Variants in TANC1 observed in about 807,000 individuals in gnomAD.
TANC1 encodes the protein protein TANC1.
TANC1 carries 77 observed loss-of-function variants against 149.7 expected under a neutral mutation model. The observed-to-expected ratio is 0.51, with a 90% CI of 0.43 to 0.62. The LOEUF (loss-of-function observed/expected upper bound fraction) is 0.62, where lower values mean the gene tolerates loss of function less well. Among genes scored for constraint, TANC1 ranks in the 20% least tolerant of loss-of-function variants. The pLI is 0.00. For synonymous variants in TANC1, 854 were observed against 925.0 expected, an observed-to-expected ratio of 0.92 and a Z score of 1.39; for missense variants, 1,985 against 2,321.8, an observed-to-expected ratio of 0.85 and a Z score of 2.98.
chr2:159,224,488 C>T (rs1241732355), intron 23 of TANC1, 124 bp downstream of exon 23: 4 of 1,086,826 alleles, frequency 3.7e-6, no homozygotes, highest in Admixed American at 2.2e-5. Flanking sequence ...TTGCAGATCT[C>T]TGTCTCAGTC....
rs958759735 is a variant in TANC1 at position 159,230,224 on chromosome 2, C to T, written c.4798C>T (p.Arg1600Trp). The change falls in exon 27 of 27, where the codon CGG becomes TGG. Residue 1600 changes from arginine to tryptophan, a missense_variant. Physicochemically the swap from Arg to Trp is moderately radical, Grantham distance 101. Around this residue, in one of 3 missense-constraint regions of TANC1, gnomAD observed 920 missense variants for 994.7 expected, o/e 0.92. Transcript: ENST00000263635. This position sits in a 1 kb window ranked among gnomAD's most constrained non-coding sequence, Gnocchi z 4.4. ...TRAGCGHFGD[R>W]LGPSQNVRLQ... ...AGCTGGTTGTGGCCACTTTGGGGAT[C>T]GGCTGGGCCCCAGCCAGAATGTCCG... The T allele has an allele frequency of 8.7e-6, 14 of 1,613,916 alleles. No individual in the cohort carries two copies. The highest frequency in any genetic ancestry group is 1.1e-5 in the Non-Finnish European group (13 of 1,180,030).
At chr2:158,987,145 C>T (rs375718632) in intron 1 of TANC1, among the ~76,000 whole-genome samples, 20 of 143,390 alleles carry the variant, frequency 1.4e-4, no homozygotes, top group Non-Finnish European at 2.5e-4. Flanking sequence ...ACCCAAGAGT[C>T]GGAGGCTGCA....
In TANC1 at chr2:159,145,550, C is replaced by T. The variant is rs115446207; in HGVS notation, c.365-3592C>T. On this transcript the variant is annotated intron_variant, in intron 5 of 26. Transcript: ENST00000263635. ...AACACCCTGGATTCCCAGACAGTGG[C>T]GGAAGATGAGAAGATGGTTGTAGAG... 5.6e-3 allele frequency among the ~76,000 whole-genome samples: 845 copies of T among 152,200 alleles called. 8 individuals are homozygous for T. The highest frequency in any genetic ancestry group is 0.019 in the African/African-American group (769 of 41,514).
chr2:159,065,771 C>CT (rs1271777669), intron 2 of TANC1, 125 bp from the exon 3 acceptor site: 2 of 658,170 alleles, frequency 3.0e-6, no homozygotes, highest in South Asian at 1.8e-5. Flanking sequence ...TAATGTAAGG[C>CT]TTAGGGTACC....
chr2:159,000,901 A>G (rs960993235), intron 1 of TANC1, among the ~76,000 whole-genome samples, 179 bp from the exon 2 acceptor site: 4 of 152,184 alleles, frequency 2.6e-5, no homozygotes, highest in Non-Finnish European at 5.9e-5. Flanking sequence ...ACACTGCCCT[A>G]AGTGCTTTGG....
rs529617399 is a variant in TANC1, at chr2:159,211,701, C to T, written c.3245-5796C>T. On this transcript the variant is annotated intron_variant, in intron 19 of 26. Coordinates refer to ENST00000263635, the MANE Select transcript of TANC1 (RefSeq NM_033394.3). Reference sequence around the variant, plus strand: ...TGAAAATGGCAGAGCCTCAGGAGTTCGCCGTGATGGCCCCAGAATACTCAA... The same window carrying T: ...TGAAAATGGCAGAGCCTCAGGAGTTTGCCGTGATGGCCCCAGAATACTCAA... Among the ~76,000 whole-genome samples the T allele has an allele frequency of 1.1e-4, 17 of 152,338 alleles. No individual in the cohort carries two copies. In the East Asian group the frequency reaches 2.3e-3, roughly 21 times the overall value.
chr2:159,149,953 A>G (rs897484017), intron 6 of TANC1: 2 of 170,158 alleles, frequency 1.2e-5, no homozygotes, highest in African/African-American at 4.8e-5. Flanking sequence ...ATCAGGTTGC[A>G]GTGTTCGTGA....
intron 4 of TANC1, among the ~76,000 whole-genome samples, chr2:159,098,737 A>G (rs578082622): frequency 6.6e-6 from 1 of 151,904 alleles, no homozygotes; most frequent in East Asian, 1.9e-4. Flanking sequence ...AACATTACCC[A>G]AAAAAAACAA....
chr2:159,171,871 A>G (rs4664268), intron 10 of TANC1, among the ~76,000 whole-genome samples: 11 of 105,594 alleles, frequency 1.0e-4, no homozygotes, highest in African/African-American at 2.0e-4. Flanking sequence ...AAAAAAAAAA[A>G]AAAAGAAAAA....
chr2:159,114,950 C>T (rs1275097183), intron 4 of TANC1, among the ~76,000 whole-genome samples: 2 of 152,192 alleles, frequency 1.3e-5, no homozygotes, highest in Non-Finnish European at 2.9e-5. Context: ...ATTTCATGAG[C>T]TTCCATAAAC....
rs552976572 is a variant in TANC1, at chr2:159,198,983, G to T, written c.3174G>T (p.Gln1058His). 1 of 1,613,982 alleles carries T rather than the reference G, an allele frequency of 6.2e-7. No individual in the cohort carries two copies. Among genetic ancestry groups the T allele is most frequent in the African/African-American group, 1.3e-5 (1 of 75,048 alleles). Residue 1058 changes from glutamine (Q) to histidine (H), a missense_variant, in exon 19 of 27, where the codon CAG (glutamine) becomes CAT (histidine). This residue lies in a region of TANC1 where 508 missense variants were observed against 714.2 expected (regional missense o/e 0.71). Coordinates refer to ENST00000263635, the MANE Select transcript of TANC1 (RefSeq NM_033394.3). ...AASMGHSSVV[Q>H]CLLGMEKEHE... ...CTTGCCACTTCTGACAGGTGGTCCA[G>T]TGCTTGCTGGGGATGGAGAAGGAAC... is the stretch of plus-strand genomic sequence containing the variant.
At chr2:159,099,230 ATTT>A (rs971657723) in intron 4 of TANC1, among the ~76,000 whole-genome samples, 13 of 152,146 alleles carry the variant, frequency 8.5e-5, no homozygotes, top group African/African-American at 3.1e-4. Context: ...GTATGAAGTA[ATTT>A]CCTGTGCCAA....
At chr2:159,087,880 T>C (rs1465552850) in intron 3 of TANC1, among the ~76,000 whole-genome samples, 4 of 148,642 alleles carry the variant, frequency 2.7e-5, no homozygotes, top group Admixed American at 6.8e-5. Context: ...CTAGTATGAC[T>C]GTTGTCCTTA....
chr2:159,012,888 C>T (rs1016732768), intron 2 of TANC1, among the ~76,000 whole-genome samples: 9 of 152,148 alleles, frequency 5.9e-5, no homozygotes, highest in South Asian at 2.1e-4. Context: ...GCTACTCTTT[C>T]GGTGTTCCAA....
intron 2 of TANC1, chr2:159,004,011 G>C: frequency 1.9e-6 from 3 of 1,612,408 alleles, no homozygotes; most frequent in Non-Finnish European, 2.5e-6. Flanking sequence ...TGGTATTGAA[G>C]AGGTGAACAT....
intron 19 of TANC1, among the ~76,000 whole-genome samples, chr2:159,217,204 G>A (rs1216308840): frequency 6.6e-6 from 1 of 152,140 alleles, no homozygotes; most frequent in Non-Finnish European, 1.5e-5. Context: ...TTCTCTCTGT[G>A]GGTCTCACCA....
chr2:159,025,225 C>CTTTCTTTCTTTCTT (rs2039210111), intron 2 of TANC1, among the ~76,000 whole-genome samples: 1 of 124,536 alleles, frequency 8.0e-6, no homozygotes, highest in African/African-American at 3.1e-5. Flanking sequence ...TTCTTTCTTT[C>CTTTCTTTCTTTCTT]TTTCTTTCTT....
At chr2:159,064,519 G>C (rs2042505738) in intron 2 of TANC1, among the ~76,000 whole-genome samples, 1 of 152,224 alleles carries the variant, frequency 6.6e-6, no homozygotes, top group African/African-American at 2.4e-5. Context: ...CTGGTGGAGG[G>C]GAGGAAGGTG....
At chr2:159,097,545 T>C in intron 3 of TANC1, 92 bp from the exon 4 acceptor site, 4 of 977,560 alleles carry the variant, frequency 4.1e-6, no homozygotes, top group Non-Finnish European at 6.3e-6. Context: ...TATGTGGGAA[T>C]TATATTCTGA....
Sources: gnomAD v4.1 joint callset for allele counts (sites outside exome capture counted in the v4.1 genomes callset) on GRCh38, gnomAD v4.1.1 for gene constraint, gnomAD v4.1.1 regional missense constraint, Gnocchi (gnomAD v3.1) non-coding constraint, MANE v1.5 for transcripts, NCBI Gene and HGNC (gene_info 2026-07-23, HGNC 2026-07-21) for gene names.